FGF12: variants seen among roughly 807,000 people sequenced by gnomAD.
FGF12 encodes fibroblast growth factor 12, also known as fibroblast growth factor 12B.
In FGF12, 14 loss-of-function variants were observed where a neutral mutation model predicts 23.6. The observed-to-expected ratio is 0.59, with a 90% CI of 0.39 to 0.93. The LOEUF is 0.93. FGF12 is among the 40% of genes least tolerant of loss of function. The pLI is 0.00. For synonymous variants in FGF12, 62 were observed against 77.3 expected (o/e 0.80, Z 1.04); for missense variants, 175 against 217.8 (o/e 0.80, Z 1.24).
At chr3:192,515,894 T>C (rs529925227) in intron 2 of FGF12, among the ~76,000 whole-genome samples, 1 of 151,190 alleles carries the variant, frequency 6.6e-6, no homozygotes, top group South Asian at 2.1e-4. Flanking sequence ...TGAGTAAGCA[T>C]GGGAAGAATG....
At chr3:192,616,439 A>C (rs1714757094) in intron 2 of FGF12, among the ~76,000 whole-genome samples, 1 of 152,040 alleles carries the variant, frequency 6.6e-6, no homozygotes, top group South Asian at 2.1e-4. Flanking sequence ...TTCTTACATC[A>C]GATTTATTAT....
intron 2 of FGF12, among the ~76,000 whole-genome samples, chr3:192,638,007 A>G (rs1461043073): frequency 1.3e-5 from 2 of 152,238 alleles, no homozygotes; most frequent in African/African-American, 4.8e-5. Flanking sequence ...TATTCATATT[A>G]TAACATGCTG....
intron 4 of FGF12, among the ~76,000 whole-genome samples, chr3:192,318,040 C>T (rs1716322682): frequency 6.6e-6 from 1 of 152,184 alleles, no homozygotes; most frequent in South Asian, 2.1e-4. Context: ...GCTTGGGGTG[C>T]CCCCTAATGC....
chr3:192,335,953 C>T (rs976365136), intron 3 of FGF12, among the ~76,000 whole-genome samples: 11 of 151,874 alleles, frequency 7.2e-5, no homozygotes, highest in African/African-American at 2.7e-4. Context: ...AAGAAGAATG[C>T]AAAAATTACT....
intron 2 of FGF12, among the ~76,000 whole-genome samples, chr3:192,595,517 T>C (rs1026038724): frequency 6.6e-6 from 1 of 152,208 alleles, no homozygotes; most frequent in African/African-American, 2.4e-5. Context: ...GTTCTTACTC[T>C]TGAACATGTA....
At chr3:192,157,051 G>T (rs1391098129) in intron 5 of FGF12, among the ~76,000 whole-genome samples, 28 of 152,202 alleles carry the variant, frequency 1.8e-4, no homozygotes, top group Admixed American at 1.8e-3. Context: ...GTGCGAGAGT[G>T]TTCCTCCTTA....
intron 2 of FGF12, among the ~76,000 whole-genome samples, chr3:192,686,324 A>G (rs2108713819): frequency 6.6e-6 from 1 of 152,080 alleles, no homozygotes; most frequent in Admixed American, 6.5e-5. Flanking sequence ...ATAAATGATA[A>G]AAAGGGTCAG....
intron 4 of FGF12, among the ~76,000 whole-genome samples, chr3:192,209,942 A>G (rs1162780794): frequency 1.3e-5 from 2 of 152,120 alleles, no homozygotes; most frequent in Non-Finnish European, 2.9e-5. Context: ...TGACTCACTT[A>G]CGTGCTCCTT....
chr3:192,424,371 T>G (rs1721628201), intron 2 of FGF12, among the ~76,000 whole-genome samples: 1 of 152,200 alleles, frequency 6.6e-6, no homozygotes, highest in Non-Finnish European at 1.5e-5. Flanking sequence ...AAACATCTGG[T>G]GCACCATGCC....
At chr3:192,234,368 A>G (rs1049767776) in intron 4 of FGF12, among the ~76,000 whole-genome samples, 1 of 152,060 alleles carries the variant, frequency 6.6e-6, no homozygotes, top group Non-Finnish European at 1.5e-5. Context: ...TGAGCTACTA[A>G]TTGTTGTACA....
intron 2 of FGF12, among the ~76,000 whole-genome samples, chr3:192,583,300 G>A (rs1053908197): frequency 1.3e-5 from 2 of 152,158 alleles, no homozygotes; most frequent in Non-Finnish European, 2.9e-5. Context: ...GATATCAGAT[G>A]AGCGATGCGA....
At chr3:192,524,369 A>T (rs188522830) in intron 2 of FGF12, among the ~76,000 whole-genome samples, 1 of 152,242 alleles carries the variant, frequency 6.6e-6, no homozygotes, top group East Asian at 1.9e-4. Flanking sequence ...TTGCCTTTAC[A>T]GTAAACTCTG....
chr3:192,287,419 G>T (rs1159031470), intron 4 of FGF12, among the ~76,000 whole-genome samples: 1 of 151,992 alleles, frequency 6.6e-6, no homozygotes, highest in Non-Finnish European at 1.5e-5. Context: ...TTCAGCAGTT[G>T]TTCAGAGGTT....
intron 2 of FGF12, among the ~76,000 whole-genome samples, chr3:192,398,940 A>G (rs1035541962): frequency 6.6e-6 from 1 of 152,066 alleles, no homozygotes; most frequent in Non-Finnish European, 1.5e-5. Flanking sequence ...CATTGATTTA[A>G]CAGCAACTGA....
At chr3:192,158,354 CTTTCTTTCTT>C (rs1560171322) in intron 5 of FGF12, among the ~76,000 whole-genome samples, 1 of 111,786 alleles carries the variant, frequency 8.9e-6, no homozygotes, top group South Asian at 2.9e-4. Context: ...TTCTTTCTTT[CTTTCTTTCTT>C]TCTTTCTTTC....
intron 4 of FGF12, among the ~76,000 whole-genome samples, chr3:192,300,847 T>A (rs1265607532): frequency 6.6e-6 from 1 of 151,774 alleles, no homozygotes; most frequent in African/African-American, 2.4e-5. Flanking sequence ...TGAAACCCCA[T>A]CTCTCCTAAG....
At chr3:192,345,327 A>G (rs2108714261) in intron 3 of FGF12, among the ~76,000 whole-genome samples, 1 of 152,362 alleles carries the variant, frequency 6.6e-6, no homozygotes, top group East Asian at 1.9e-4. Flanking sequence ...AAAGTCAGCT[A>G]GTGAAAAAGC....
chr3:192,238,489 G>A (rs1377267164), intron 4 of FGF12: 2 of 152,204 alleles, frequency 1.3e-5, no homozygotes, highest in African/African-American at 4.8e-5. Context: ...ATGCATAATG[G>A]TAGGGGTCCA....
At chr3:192,230,302 T>C (rs1304012264) in intron 4 of FGF12, among the ~76,000 whole-genome samples, 2 of 152,152 alleles carry the variant, frequency 1.3e-5, no homozygotes, top group Non-Finnish European at 2.9e-5. Context: ...CAGATACATA[T>C]ATGGTGTTAC....
Sources: allele counts gnomAD v4.1 joint callset (sites outside exome capture counted in the v4.1 genomes callset), GRCh38; gene constraint gnomAD v4.1.1; transcripts MANE v1.5; gene names NCBI Gene and HGNC (gene_info 2026-07-23, HGNC 2026-07-21).